Variants in PCDHGB4 observed in about 807,000 individuals in gnomAD.
PCDHGB4 encodes the protein protocadherin gamma-B4.
Under a neutral mutation model 60.5 loss-of-function variants are expected in PCDHGB4, and 38 were observed. That is an observed-to-expected ratio of 0.63 (90% CI 0.48 to 0.82). The LOEUF is 0.82. PCDHGB4 is among the 40% of genes least tolerant of loss of function. The pLI is 0.00. For synonymous variants in PCDHGB4, 456 were observed against 509.7 expected (o/e 0.89, Z 1.42); for missense variants, 1,109 against 1,209.6 (o/e 0.92, Z 1.23).
chr5:141,417,980 C>G lies in PCDHGB4; in HGVS notation c.2397+27699C>G, dbSNP rs905203424. On this transcript the variant is annotated intron_variant, in intron 1 of 3. Coordinates refer to ENST00000519479, the MANE Select transcript of PCDHGB4 (RefSeq NM_003736.4). ...GATCCGCTACTCGATTCCGGAGGAG[C>G]TGGCCAAGGGCTCGGTGGTGGGGAA... is the stretch of plus-strand genomic sequence containing the variant. The G allele has an allele frequency of 1.9e-6, 3 of 1,613,738 alleles. No individual in the cohort carries two copies. In the African/African-American group the frequency reaches 4.0e-5, roughly 22 times the overall value.
At chr5:141,455,903 ATTTATTT>A (rs2098836354) in intron 1 of PCDHGB4, among the ~76,000 whole-genome samples, 1 of 145,228 alleles carries the variant, frequency 6.9e-6, no homozygotes, top group African/African-American at 2.7e-5. Context: ...TTATTTATTT[ATTTATTT>A]ATTTTGAGAC....
At chr5:141,413,081 C>CAG in intron 1 of PCDHGB4, 1 of 1,339,426 alleles carries the variant, frequency 7.5e-7, no homozygotes, top group South Asian at 1.5e-5. Flanking sequence ...GCCCAGGCTA[C>CAG]AGAGACACCC....
At position 141,487,344 on chromosome 5, in the gene PCDHGB4, C is replaced by T. The variant is rs1232854025; in HGVS notation, c.2398-7463C>T. On this transcript the variant is annotated intron_variant, in intron 1 of 3. Coordinates refer to ENST00000519479, the MANE Select transcript of PCDHGB4 (RefSeq NM_003736.4). This position sits in a 1 kb window ranked among gnomAD's most constrained non-coding sequence, Gnocchi z 5.0. ...CTTCGTGGGGCAGCCTGTGGAGTCA[C>T]ATGCTTTCCTGCTGGCACCTGTGCC... 3 of 1,614,208 alleles carry T rather than the reference C, an allele frequency of 1.9e-6. No individual in the cohort carries two copies. The highest frequency in any genetic ancestry group is 3.3e-5 in the Admixed American group (2 of 60,024).
chr5:141,509,298 C>A (rs974744333), intron 3 of PCDHGB4, among the ~76,000 whole-genome samples: 1 of 152,180 alleles, frequency 6.6e-6, no homozygotes, highest in Non-Finnish European at 1.5e-5. Flanking sequence ...AGGGTGGAGG[C>A]AGAGGGAGGC....
Position 141,487,071 on chromosome 5 carries a change from C to A in PCDHGB4, c.2398-7736C>A. On this transcript the variant is annotated intron_variant, in intron 1 of 3. Coordinates refer to ENST00000519479, the MANE Select transcript of PCDHGB4 (RefSeq NM_003736.4). The surrounding 1 kb of genome is among the most constrained non-coding windows in gnomAD (Gnocchi z 5.0). ...GCTGGGGAGGTGCGGACGGCTGTTC[C>A]TATCCCAGCTGACCTCCCACCACAG... is the stretch of plus-strand genomic sequence containing the variant. The A allele has an allele frequency of 6.2e-7, 1 of 1,614,148 alleles. No individual in the cohort carries two copies. Among genetic ancestry groups the A allele is most frequent in the Non-Finnish European group, 8.5e-7 (1 of 1,180,002 alleles).
intron 2 of PCDHGB4, among the ~76,000 whole-genome samples, chr5:141,503,963 C>T (rs900066192): frequency 7.2e-5 from 11 of 152,188 alleles, no homozygotes; most frequent in Admixed American, 6.5e-4. Flanking sequence ...ACAGCCTTTC[C>T]CATGGTGCCA....
rs747077639 is a variant in PCDHGB4, at chr5:141,432,371, G to C, written c.2397+42090G>C. 2 of 1,614,234 alleles carry C rather than the reference G, an allele frequency of 1.2e-6. No individual in the cohort carries two copies. The highest frequency in any genetic ancestry group is 1.6e-4 in the Middle Eastern group (1 of 6,062). ...AGTGAAAGTGATGGCGCGGGACAAC[G>C]GGCACCCGCCCCTCAGCAGCAACGT... On this transcript the variant is annotated intron_variant, in intron 1 of 3. Transcript: ENST00000519479. The surrounding 1 kb of genome is among the most constrained non-coding windows in gnomAD (Gnocchi z 6.0).
At chr5:141,510,653 T>G (rs1388568365) in intron 3 of PCDHGB4, among the ~76,000 whole-genome samples, 1 of 152,184 alleles carries the variant, frequency 6.6e-6, no homozygotes, top group Non-Finnish European at 1.5e-5. Context: ...ATCCCCATTT[T>G]GCAGATGAGA....
chr5:141,476,224 G>T lies in PCDHGB4; in HGVS notation c.2398-18583G>T. 6.2e-7 allele frequency: 1 copy of T among 1,614,062 alleles called. No individual in the cohort carries two copies. The highest frequency in any genetic ancestry group is 1.1e-5 in the South Asian group (1 of 91,072). ...AGGCTTCCACGGTCATTCACTATGA[G>T]ATCCCGGAGGAAAGAGAGAAGGGTT... On this transcript the variant is annotated intron_variant, in intron 1 of 3. Transcript: ENST00000519479. This position sits in a 1 kb window ranked among gnomAD's most constrained non-coding sequence, Gnocchi z 7.6.
Position 141,485,713 on chromosome 5 carries a change from G to T in PCDHGB4, c.2398-9094G>T. On this transcript the variant is annotated intron_variant, in intron 1 of 3. Transcript: ENST00000519479. The surrounding 1 kb of genome is among the most constrained non-coding windows in gnomAD (Gnocchi z 5.7). ...TGAGCTCCAATGAACACTTTGCACT[G>T]GATGTGAAGAAGCGCAGCGACGGCA... 1 of 1,614,202 alleles carries T rather than the reference G, an allele frequency of 6.2e-7. No individual in the cohort carries two copies. The highest frequency in any genetic ancestry group is 8.5e-7 in the Non-Finnish European group (1 of 1,180,038).
chr5:141,427,428 T>C (rs1489623330), intron 1 of PCDHGB4: 3 of 470,472 alleles, frequency 6.4e-6, no homozygotes, highest in Admixed American at 4.7e-5. Context: ...GGAGGTTACA[T>C]GCCTCATAAA....
chr5:141,506,277 T>C (rs905595521), intron 3 of PCDHGB4, among the ~76,000 whole-genome samples: 1 of 152,050 alleles, frequency 6.6e-6, no homozygotes. Flanking sequence ...AGTGAAACCC[T>C]GTCTCTACTA....
chr5:141,394,926 C>T, intron 1 of PCDHGB4: 2 of 1,613,844 alleles, frequency 1.2e-6, no homozygotes, highest in Non-Finnish European at 1.7e-6. Context: ...CTGTGTCTTC[C>T]TCGCCTTTGT....
intron 1 of PCDHGB4, chr5:141,442,490 T>C (rs2098328971): frequency 6.6e-6 from 1 of 152,222 alleles, no homozygotes; most frequent in South Asian, 2.1e-4. Flanking sequence ...AAGGGGATGA[T>C]TGTGATTATT....
Position 141,486,585 on chromosome 5 carries a change from G to A in PCDHGB4, c.2398-8222G>A. The A allele has an allele frequency of 6.2e-7, 1 of 1,613,708 alleles. No individual in the cohort carries two copies. The highest frequency in any genetic ancestry group is 1.1e-5 in the South Asian group (1 of 91,080). ...TTTGTTCCTGAGAACAATCGCCCAG[G>A]GGACCTGCTTTGCTCCCTTGCAGCC... On this transcript the variant is annotated intron_variant, in intron 1 of 3. Transcript: ENST00000519479. The surrounding 1 kb of genome is among the most constrained non-coding windows in gnomAD (Gnocchi z 5.0).
chr5:141,473,616 G>A (rs1049605139), intron 1 of PCDHGB4, among the ~76,000 whole-genome samples: 5 of 152,118 alleles, frequency 3.3e-5, no homozygotes, highest in African/African-American at 1.2e-4. Flanking sequence ...GCAAAGGGAG[G>A]GAGGAAAAAG....
chr5:141,476,556 C>G lies in PCDHGB4; in HGVS notation c.2398-18251C>G. On this transcript the variant is annotated intron_variant, in intron 1 of 3. Transcript: ENST00000519479. This position sits in a 1 kb window ranked among gnomAD's most constrained non-coding sequence, Gnocchi z 7.6. ...GAAATGAAATTGGAGATTAGCGAGG[C>G]CGTGGCTCCGGGGACGCGCTTTCCG... The G allele has an allele frequency of 6.2e-7, 1 of 1,614,234 alleles. No homozygotes were observed. The highest frequency in any genetic ancestry group is 8.5e-7 in the Non-Finnish European group (1 of 1,180,036).
At chr5:141,395,972 A>G (rs974737736) in intron 1 of PCDHGB4, 1 of 152,218 alleles carries the variant, frequency 6.6e-6, no homozygotes, top group African/African-American at 2.4e-5. Flanking sequence ...CAAAAACATT[A>G]GATCTGAATT....
At position 141,432,307 on chromosome 5, in the gene PCDHGB4, G is replaced by A. The variant is rs2097484688; in HGVS notation, c.2397+42026G>A. On this transcript the variant is annotated intron_variant, in intron 1 of 3. Transcript: ENST00000519479. The surrounding 1 kb of genome is among the most constrained non-coding windows in gnomAD (Gnocchi z 6.0). ...ACTCCGACACTGGGGTACTGTATGC[G>A]CTGAGCTCCTTCGACTACGAGCAGT... The A allele has an allele frequency of 5.0e-6, 8 of 1,614,240 alleles. No individual in the cohort carries two copies. Among genetic ancestry groups the A allele is most frequent in the South Asian group, 1.1e-5 (1 of 91,086 alleles).
Sources: allele counts gnomAD v4.1 joint callset (sites outside exome capture counted in the v4.1 genomes callset), GRCh38; gene constraint gnomAD v4.1.1; non-coding constraint Gnocchi (gnomAD v3.1); transcripts MANE v1.5; gene names NCBI Gene and HGNC (gene_info 2026-07-23, HGNC 2026-07-21).